The following GPC5 variants were observed in gnomAD, a reference collection of about 807,000 sequenced individuals.
GPC5 encodes the protein glypican 5.
GPC5 carries 47 observed loss-of-function variants against 53.9 expected under a neutral mutation model. The observed-to-expected ratio is 0.87, with a 90% CI of 0.69 to 1.11. GPC5 has a LOEUF of 1.11. Among genes scored for constraint, GPC5 ranks in the 50% most tolerant of loss-of-function variants. The pLI, the probability that GPC5 is intolerant of heterozygous loss-of-function variation, is 0.00. For missense variants in GPC5, 748 were observed against 713.1 expected (o/e 1.05, Z -0.56); for synonymous variants, 286 against 263.3 (o/e 1.09, Z -0.84).
intron 2 of GPC5, among the ~76,000 whole-genome samples, chr13:91,573,339 A>G (rs878958987): frequency 3.3e-5 from 5 of 152,188 alleles, no homozygotes; most frequent in Admixed American, 3.3e-4. Flanking sequence ...GTGTTTTAGT[A>G]TGGCATACGC....
chr13:91,404,096 G>A (rs1594041582), intron 1 of GPC5, among the ~76,000 whole-genome samples: 1 of 152,106 alleles, frequency 6.6e-6, no homozygotes, highest in East Asian at 1.9e-4. Context: ...CTTGTTTCCA[G>A]CCTGTTAAGG....
Position 92,849,430 on chromosome 13 carries a change from A to G in GPC5, c.1562-16852A>G, listed in dbSNP as rs1402869457. Among the ~76,000 whole-genome samples, 3 of 152,244 alleles carry G rather than the reference A, an allele frequency of 2.0e-5. No homozygotes were observed. The East Asian group carries it at 5.8e-4, about 29-fold the overall frequency. On this transcript the variant is annotated intron_variant, in intron 7 of 7. Transcript: ENST00000377067. ...TTTATTTCCATTTAATAAATGTAATAAGCATCACAATCTCTCCTGCACAAT... is the reference window on the plus strand; with the variant it reads ...TTTATTTCCATTTAATAAATGTAATGAGCATCACAATCTCTCCTGCACAAT...
intron 7 of GPC5, among the ~76,000 whole-genome samples, chr13:92,653,449 A>C (rs1379381783): frequency 6.6e-6 from 1 of 152,224 alleles, no homozygotes; most frequent in Non-Finnish European, 1.5e-5. Flanking sequence ...TGCAGACAGC[A>C]TCTGCTAAAA....
In GPC5 at chr13:91,693,723, C is replaced by T; in HGVS notation, c.862C>T (p.Leu288Phe). ...MRGCLAHMAE[L>F]NPHWHAYIRS... ...AGGCTGCCTGGCGCACATGGCGGAG[C>T]TTAATCCACACTGGCATGCATATAT... Residue 288 changes from leucine to phenylalanine, a missense_variant, in exon 3 of 8, where the codon CTT becomes TTT. Physicochemically the swap from Leu to Phe is conservative, Grantham distance 22. Transcript: ENST00000377067. The T allele has an allele frequency of 1.9e-6, 3 of 1,614,160 alleles. No individual in the cohort carries two copies. Among genetic ancestry groups the T allele is most frequent in the Non-Finnish European group, 2.5e-6 (3 of 1,180,020 alleles).
chr13:92,673,129 C>T (rs1886809357), intron 7 of GPC5, among the ~76,000 whole-genome samples: 1 of 151,140 alleles, frequency 6.6e-6, no homozygotes, highest in Non-Finnish European at 1.5e-5. Context: ...TTATGCATGA[C>T]ATAATATGTT....
intron 2 of GPC5, among the ~76,000 whole-genome samples, chr13:91,559,904 A>G (rs1434491891): frequency 6.6e-6 from 1 of 152,162 alleles, no homozygotes; most frequent in African/African-American, 2.4e-5. Flanking sequence ...TACATACAAA[A>G]ATAATGTGCA....
At chr13:92,119,857 C>T (rs531081397) in intron 6 of GPC5, among the ~76,000 whole-genome samples, 115 of 151,976 alleles carry the variant, frequency 7.6e-4, no homozygotes, top group African/African-American at 2.6e-3. Flanking sequence ...AGTGTATTCT[C>T]TCTGCACAAC....
intron 5 of GPC5, among the ~76,000 whole-genome samples, chr13:91,818,106 A>G (rs1044610280): frequency 3.3e-5 from 5 of 152,216 alleles, no homozygotes; most frequent in African/African-American, 9.6e-5. Flanking sequence ...GGAAACTGGC[A>G]TCTGGGGAAC....
intron 5 of GPC5, among the ~76,000 whole-genome samples, chr13:91,818,731 A>G (rs920683369): frequency 2.6e-5 from 4 of 152,192 alleles, no homozygotes; most frequent in African/African-American, 9.7e-5. Flanking sequence ...TTGAGGGTCA[A>G]TAACTCAGTG....
chr13:92,474,568 G>T (rs1292171494), intron 7 of GPC5, among the ~76,000 whole-genome samples: 2 of 151,424 alleles, frequency 1.3e-5, no homozygotes, highest in African/African-American at 4.9e-5. Context: ...CATACCAAAT[G>T]GCTTTTAGGG....
At chr13:92,737,766 C>CTTTTTTTTTTTTTTTTTTTTTTTTT (rs33914729) in intron 7 of GPC5, among the ~76,000 whole-genome samples, 1 of 102,134 alleles carries the variant, frequency 9.8e-6, no homozygotes, top group African/African-American at 3.8e-5. Context: ...TTTTCTTTTT[C>CTTTTTTTTTTTTTTTTTTTTTTTTT]TTTTTTTTTT....
intron 7 of GPC5, among the ~76,000 whole-genome samples, chr13:92,527,109 AAAG>A (rs751905702): frequency 3.8e-3 from 19 of 5,062 alleles, no homozygotes; most frequent in African/African-American, 0.011. Flanking sequence ...AAGAAAGAAA[AAAG>A]AAAGAAAGAA....
intron 7 of GPC5, among the ~76,000 whole-genome samples, chr13:92,714,665 G>A: frequency 6.6e-6 from 1 of 152,174 alleles, no homozygotes; most frequent in Non-Finnish European, 1.5e-5. Context: ...TTTCAATTGT[G>A]ATAGTAAGAG....
At chr13:92,549,401 T>A (rs1421692107) in intron 7 of GPC5, among the ~76,000 whole-genome samples, 1 of 152,134 alleles carries the variant, frequency 6.6e-6, no homozygotes, top group Non-Finnish European at 1.5e-5. Context: ...TGGCTGAAGT[T>A]AATAATTCAC....
chr13:91,792,776 C>A (rs993543174), intron 5 of GPC5, among the ~76,000 whole-genome samples: 1 of 152,120 alleles, frequency 6.6e-6, no homozygotes, highest in Non-Finnish European at 1.5e-5. Flanking sequence ...CGAATGAATT[C>A]TTCGATCAAA....
chr13:91,743,569 G>A (rs1229588145), intron 4 of GPC5, among the ~76,000 whole-genome samples: 1 of 152,102 alleles, frequency 6.6e-6, no homozygotes. Flanking sequence ...GGGGAAAATG[G>A]GAAGCAGGAA....
chr13:92,281,325 G>A (rs545688473), intron 7 of GPC5, among the ~76,000 whole-genome samples: 1 of 152,276 alleles, frequency 6.6e-6, no homozygotes, highest in East Asian at 1.9e-4. Context: ...CTGGGGGCAG[G>A]GCATAGCAGA....
At chr13:92,531,213 C>T (rs1881553035) in intron 7 of GPC5, among the ~76,000 whole-genome samples, 2 of 152,168 alleles carry the variant, frequency 1.3e-5, no homozygotes, top group South Asian at 4.1e-4. Context: ...CATAATCTCA[C>T]TGATCTCAAG....
chr13:92,074,399 A>G (rs545254927), intron 6 of GPC5, among the ~76,000 whole-genome samples: 1 of 152,330 alleles, frequency 6.6e-6, no homozygotes, highest in South Asian at 2.1e-4. Context: ...ACAGACGTGA[A>G]TTGATAGAGA....
Sources: allele counts gnomAD v4.1 joint callset (sites outside exome capture counted in the v4.1 genomes callset), GRCh38; gene constraint gnomAD v4.1.1; transcripts MANE v1.5; gene names NCBI Gene and HGNC (gene_info 2026-07-23, HGNC 2026-07-21).